ENTREP2: variants seen among roughly 807,000 people sequenced by gnomAD.
ENTREP2 encodes endosomal transmembrane epsin interactor 2.
chr15:29,615,694 C>T, the ENTREP2 span, among the ~76,000 whole-genome samples: 2 of 152,136 alleles, frequency 1.3e-5, no homozygotes, highest in Non-Finnish European at 2.9e-5. Flanking sequence ...TTGCTATTCC[C>T]TTTTTTCCCC....
chr15:29,260,253 G>C, the ENTREP2 span, among the ~76,000 whole-genome samples: 1 of 152,108 alleles, frequency 6.6e-6, no homozygotes, highest in African/African-American at 2.4e-5. Flanking sequence ...CCCTGGTACC[G>C]AAGTCAGACA....
At chr15:29,246,638 T>G in the ENTREP2 span, among the ~76,000 whole-genome samples, 1 of 151,914 alleles carries the variant, frequency 6.6e-6, no homozygotes, top group Non-Finnish European at 1.5e-5. Flanking sequence ...AGGTGGAGGT[T>G]GCAGTGAGCT....
the ENTREP2 span, among the ~76,000 whole-genome samples, chr15:29,135,512 G>C: frequency 9.2e-5 from 14 of 152,080 alleles, no homozygotes; most frequent in African/African-American, 3.4e-4. This position sits in a 1 kb window ranked among gnomAD's most constrained non-coding sequence, Gnocchi z 7.4. Context: ...TCCACACTGA[G>C]TCATGACAAC....
At chr15:29,480,308 A>G in the ENTREP2 span, among the ~76,000 whole-genome samples, 1 of 148,272 alleles carries the variant, frequency 6.7e-6, no homozygotes, top group East Asian at 2.1e-4. Context: ...CAAGTGTCCA[A>G]AAATGTGTAC....
the ENTREP2 span, among the ~76,000 whole-genome samples, chr15:29,643,763 G>A: frequency 8.7e-5 from 13 of 148,630 alleles, no homozygotes; most frequent in African/African-American, 1.7e-4. Flanking sequence ...CCTGGGTGAC[G>A]GAGCGAGACT....
At chr15:29,451,639 C>T in the ENTREP2 span, among the ~76,000 whole-genome samples, 5 of 152,188 alleles carry the variant, frequency 3.3e-5, no homozygotes, top group East Asian at 1.9e-4. Flanking sequence ...CTGCCCACCA[C>T]GGGAGGGTCT....
the ENTREP2 span, among the ~76,000 whole-genome samples, chr15:29,486,564 G>A: frequency 2.6e-5 from 4 of 152,066 alleles, no homozygotes; most frequent in African/African-American, 7.2e-5. Flanking sequence ...GGTGGCGTGC[G>A]CCTGTAATCC....
chr15:29,161,771 C>A, the ENTREP2 span, among the ~76,000 whole-genome samples: 7 of 152,154 alleles, frequency 4.6e-5, no homozygotes, highest in Non-Finnish European at 1.0e-4. Context: ...TTCACCTTCA[C>A]CTTTAAGTAA....
the ENTREP2 span, among the ~76,000 whole-genome samples, chr15:29,364,599 G>C: frequency 6.6e-6 from 1 of 152,156 alleles, no homozygotes; most frequent in African/African-American, 2.4e-5. Context: ...ACTTACTCCC[G>C]TTTTGGATAA....
chr15:29,335,483 C>T, the ENTREP2 span, among the ~76,000 whole-genome samples: 7 of 152,174 alleles, frequency 4.6e-5, no homozygotes, highest in African/African-American at 9.7e-5. Context: ...GTCACTGCAA[C>T]GCTTGCAAGC....
chr15:29,462,052 TCATCCATGGTG>T, the ENTREP2 span, among the ~76,000 whole-genome samples: 1 of 152,194 alleles, frequency 6.6e-6, no homozygotes, highest in Non-Finnish European at 1.5e-5. Flanking sequence ...ATGTCAAGGT[TCATCCATGGTG>T]CAGCATGTGT....
chr15:29,357,457 T>C, the ENTREP2 span, among the ~76,000 whole-genome samples: 1 of 151,314 alleles, frequency 6.6e-6, no homozygotes, highest in Non-Finnish European at 1.5e-5. Context: ...TAAATAACTT[T>C]TATAAATTAG....
At chr15:29,511,540 G>C in the ENTREP2 span, among the ~76,000 whole-genome samples, 1 of 150,992 alleles carries the variant, frequency 6.6e-6, no homozygotes, top group East Asian at 2.0e-4. Context: ...TGGAGAGGCT[G>C]GTCTCCCAAC....
chr15:29,612,316 G>A, the ENTREP2 span, among the ~76,000 whole-genome samples: 1 of 152,096 alleles, frequency 6.6e-6, no homozygotes, highest in Admixed American at 6.6e-5. Context: ...GGCCCCCAGG[G>A]AGAAGCTACT....
At chr15:29,469,314 C>T in the ENTREP2 span, among the ~76,000 whole-genome samples, 2 of 152,234 alleles carry the variant, frequency 1.3e-5, no homozygotes, top group African/African-American at 2.4e-5. Flanking sequence ...ATTCTCCTGC[C>T]TCAGCCTCCT....
the ENTREP2 span, among the ~76,000 whole-genome samples, chr15:29,399,412 A>G: frequency 1.3e-5 from 2 of 152,236 alleles, no homozygotes; most frequent in Non-Finnish European, 2.9e-5. Context: ...GGAAAAATAA[A>G]AGAAAGTTAT....
At chr15:29,513,521 A>G in the ENTREP2 span, among the ~76,000 whole-genome samples, 5 of 152,222 alleles carry the variant, frequency 3.3e-5, no homozygotes, top group African/African-American at 1.2e-4. Context: ...GGGAAGACAC[A>G]GTGTTGATAC....
chr15:29,375,493 C>T, the ENTREP2 span: 1 of 152,320 alleles, frequency 6.6e-6, no homozygotes, highest in African/African-American at 2.4e-5. Context: ...GCCTCCTTAA[C>T]TCAGCAGGAC....
chr15:29,383,413 G>A, the ENTREP2 span, among the ~76,000 whole-genome samples: 2 of 152,212 alleles, frequency 1.3e-5, no homozygotes, highest in African/African-American at 4.8e-5. Context: ...TGTCCAACCA[G>A]GGAGGAACAG....
Sources: allele counts gnomAD v4.1 joint callset (sites outside exome capture counted in the v4.1 genomes callset), GRCh38; gene constraint gnomAD v4.1.1; non-coding constraint Gnocchi (gnomAD v3.1); transcripts MANE v1.5; gene names NCBI Gene and HGNC (gene_info 2026-07-23, HGNC 2026-07-21).